TICRR: variants seen among roughly 807,000 people sequenced by gnomAD.
TICRR encodes TOPBP1 interacting checkpoint and replication regulator, also known as treslin.
In TICRR, 132 loss-of-function variants were observed where a neutral mutation model predicts 178.1. That is an observed-to-expected ratio of 0.74 (90% confidence interval 0.64 to 0.86). The LOEUF (loss-of-function observed/expected upper bound fraction) is 0.86. Ranked by LOEUF, TICRR falls within the 40% of genes least tolerant of loss-of-function variation. TICRR has a pLI of 0.00. For missense variants in TICRR, 2,587 were observed against 2,334.3 expected (o/e 1.11, Z -2.23); for synonymous variants, 991 against 900.7 (o/e 1.10, Z -1.79).
chr15:89,581,909 G>C (rs1013575549), intron 1 of TICRR, among the ~76,000 whole-genome samples: 2 of 152,140 alleles, frequency 1.3e-5, no homozygotes, highest in Non-Finnish European at 2.9e-5. Context: ...GGTTTGTCTC[G>C]TCTCTGCACA....
At chr15:89,602,168 A>C (rs1404838461) in intron 12 of TICRR, among the ~76,000 whole-genome samples, 192 bp downstream of exon 12, 3 of 152,210 alleles carry the variant, frequency 2.0e-5, no homozygotes, top group African/African-American at 7.2e-5. Flanking sequence ...TTATCTAGGA[A>C]ATATATAGTC....
At chr15:89,584,206 ATC>A in intron 2 of TICRR, 78 bp from the exon 3 acceptor site, 1 of 1,329,580 alleles carries the variant, frequency 7.5e-7, no homozygotes, top group Non-Finnish European at 1.0e-6. Flanking sequence ...TCTTTTTAGT[ATC>A]TATTCCTTAT....
intron 13 of TICRR, among the ~76,000 whole-genome samples, chr15:89,604,084 G>A (rs1963138384): frequency 6.6e-6 from 1 of 151,990 alleles, no homozygotes; most frequent in South Asian, 2.1e-4. Flanking sequence ...TAGAATTAAT[G>A]TCTCGCTGAG....
intron 14 of TICRR, among the ~76,000 whole-genome samples, chr15:89,607,867 T>G (rs1035004444): frequency 2.6e-5 from 4 of 152,166 alleles, no homozygotes; most frequent in Non-Finnish European, 4.4e-5. Context: ...ACTTTTCAGC[T>G]ATTTTTTTCT....
chr15:89,613,877 G>A (rs562008116), intron 15 of TICRR, among the ~76,000 whole-genome samples: 28 of 151,800 alleles, frequency 1.8e-4, no homozygotes, highest in Non-Finnish European at 3.1e-4. Flanking sequence ...TGTTCTAGCC[G>A]GGCGCGGTGG....
intron 4 of TICRR, among the ~76,000 whole-genome samples, chr15:89,586,975 A>G (rs1049057722): frequency 2.6e-5 from 4 of 152,190 alleles, no homozygotes; most frequent in African/African-American, 9.7e-5. Context: ...TGGCTTCCAT[A>G]TTGAGATTTG....
intron 12 of TICRR, 124 bp downstream of exon 12, chr15:89,602,100 C>G: frequency 8.3e-7 from 1 of 1,211,054 alleles, no homozygotes; most frequent in Non-Finnish European, 1.1e-6. Context: ...GCCCTTATGT[C>G]TGAATCAGAG....
intron 4 of TICRR, among the ~76,000 whole-genome samples, chr15:89,590,250 TTTAG>T (rs898534542): frequency 9.2e-5 from 14 of 152,262 alleles, no homozygotes; most frequent in Admixed American, 3.9e-4. Context: ...GCTTGTTGTA[TTTAG>T]TTATGTTTGT....
At position 89,585,850 on chromosome 15, in the gene TICRR, A is replaced by T; in HGVS notation, c.1319A>T (p.Asp440Val). 1.2e-6 allele frequency: 2 copies of T among 1,614,128 alleles called. No individual in the cohort carries two copies. The highest frequency in any genetic ancestry group is 1.7e-5 in the Admixed American group (1 of 60,014). The change falls in exon 4 of 22, where the codon GAC becomes GTC. Residue 440 changes from aspartate (D) to valine (V), a missense_variant. By Grantham distance (152) the Asp-to-Val change is radical. Transcript: ENST00000268138. ...QRHVLQTAVA[D>V]SPRDTASLFS... is the part of the protein sequence containing the mutation. The stretch of plus-strand genomic sequence containing the variant: ...CATGTTCTCCAAACAGCTGTGGCTG[A>T]CAGCCCCCGGGACACAGCTTCCCTT...
At chr15:89,584,212 T>G (rs1202078845) in intron 2 of TICRR, 74 bp from the exon 3 acceptor site, 1 of 1,384,556 alleles carries the variant, frequency 7.2e-7, no homozygotes, top group East Asian at 2.5e-5. Flanking sequence ...TAGTATCTAT[T>G]CCTTATATTG....
chr15:89,612,670 C>G (rs749094266), intron 15 of TICRR, among the ~76,000 whole-genome samples: 6 of 152,176 alleles, frequency 3.9e-5, no homozygotes, highest in Non-Finnish European at 5.9e-5. Flanking sequence ...GAATTCTGAT[C>G]TTTTTTTCTA....
Position 89,582,851 on chromosome 15 carries a change from C to G in TICRR, c.820C>G (p.Pro274Ala). ...IKLSSEPHLS[P>A]WISMLPTDAT... Reference sequence around the variant, plus strand: ...GCTGTCAAGTGAACCTCATCTTTCTCCGTGGATTTCAATGCTGCCAACTGA... The same window carrying G: ...GCTGTCAAGTGAACCTCATCTTTCTGCGTGGATTTCAATGCTGCCAACTGA... Residue 274 changes from proline (P) to alanine (A), a missense_variant, in exon 2 of 22, where the codon CCG (proline) becomes GCG (alanine). Coordinates refer to ENST00000268138, the MANE Select transcript of TICRR (RefSeq NM_152259.4). 1 of 1,614,182 alleles carries G rather than the reference C, an allele frequency of 6.2e-7. No homozygotes were observed. The highest frequency in any genetic ancestry group is 1.1e-5 in the South Asian group (1 of 91,078).
At position 89,615,764 on chromosome 15, in the gene TICRR, C is replaced by T. The variant is rs115219426; in HGVS notation, c.2870-641C>T. On this transcript the variant is annotated intron_variant, in intron 15 of 21. Transcript: ENST00000268138. ...AATAATTAACATTTATGTGGCATAT[C>T]GGCATTTTCACATATTTCATTTAAT... Among the ~76,000 whole-genome samples the T allele has an allele frequency of 3.7e-3, 560 of 152,246 alleles. 3 individuals are homozygous for T. The highest frequency in any genetic ancestry group is 0.013 in the African/African-American group (522 of 41,544).
chr15:89,595,990 T>C lies in TICRR; in HGVS notation c.1900+379T>C, dbSNP rs531483678. 5.3e-5 allele frequency among the ~76,000 whole-genome samples: 8 copies of C among 152,272 alleles called. No homozygotes were observed. The South Asian group carries it at 8.3e-4, about 16-fold the overall frequency. ...CAGTTTGAATGGGACAGAACACCTT[T>C]AGTGGGCTAGTAAAGGTGTGTGAAA... On this transcript the variant is annotated intron_variant, in intron 7 of 21. Coordinates refer to ENST00000268138, the MANE Select transcript of TICRR (RefSeq NM_152259.4).
chr15:89,602,732 C>T, intron 12 of TICRR, 64 bp from the exon 13 acceptor site: 1 of 737,728 alleles, frequency 1.4e-6, no homozygotes, highest in Non-Finnish European at 1.9e-6. Flanking sequence ...GACTCCAGTT[C>T]CATTTGAATT....
At chr15:89,578,829 A>C (rs1174293218) in intron 1 of TICRR, among the ~76,000 whole-genome samples, 1 of 152,088 alleles carries the variant, frequency 6.6e-6, no homozygotes, top group African/African-American at 2.4e-5. Context: ...GTTTTTCTGG[A>C]ATTTTCTTCT....
At chr15:89,603,990 T>C (rs1963136568) in intron 13 of TICRR, among the ~76,000 whole-genome samples, 1 of 152,116 alleles carries the variant, frequency 6.6e-6, no homozygotes, top group Non-Finnish European at 1.5e-5. Flanking sequence ...ACTATTGTTG[T>C]TTTTTTCATG....
chr15:89,594,452 T>A lies in TICRR; in HGVS notation c.1579T>A (p.Ser527Thr). The change falls in exon 6 of 22, where the codon TCC becomes ACC. Residue 527 changes from serine to threonine, a missense_variant. Ser to Thr is a moderately conservative substitution (Grantham distance 58). Coordinates refer to ENST00000268138, the MANE Select transcript of TICRR (RefSeq NM_152259.4). ...QAASANKEESSKTEGELIHCL... is the reference protein window; with the variant it reads ...QAASANKEESTKTEGELIHCL... ...TGCCTCAGCTAATAAGGAAGAGTCT[T>A]CCAAAACTGAAGGCGAATTAATACA... 6.2e-7 allele frequency: 1 copy of A among 1,613,076 alleles called. No individual in the cohort carries two copies. Among genetic ancestry groups the A allele is most frequent in the Non-Finnish European group, 8.5e-7 (1 of 1,179,500 alleles).
chr15:89,603,246 C>T (rs1444051881), intron 13 of TICRR, among the ~76,000 whole-genome samples: 2 of 152,084 alleles, frequency 1.3e-5, no homozygotes, highest in African/African-American at 2.4e-5. Context: ...TGGTTGCATA[C>T]CAGAAGGTGC....
Sources: gnomAD v4.1 joint callset for allele counts (sites outside exome capture counted in the v4.1 genomes callset) on GRCh38, gnomAD v4.1.1 for gene constraint, MANE v1.5 for transcripts, NCBI Gene and HGNC (gene_info 2026-07-23, HGNC 2026-07-21) for gene names.